TFG: variants seen among roughly 807,000 people sequenced by gnomAD.
The protein encoded by TFG is trafficking from ER to golgi regulator, also known as protein TFG.
Under a neutral mutation model 51.4 loss-of-function variants are expected in TFG, and 22 were observed. The ratio of observed to expected loss-of-function variants is 0.43; its 90% CI spans 0.31 to 0.61. The LOEUF (loss-of-function observed/expected upper bound fraction) is 0.61, where lower values mean the gene tolerates loss of function less well. Among genes scored for constraint, TFG ranks in the 20% least tolerant of loss-of-function variants. The pLI is 0.12. For synonymous variants in TFG, 187 were observed against 165.6 expected (o/e 1.13, Z -0.99); for missense variants, 419 against 487.7 (o/e 0.86, Z 1.33).
chr3:100,729,803 C>G (rs1363030037), intron 4 of TFG, among the ~76,000 whole-genome samples: 1 of 152,046 alleles, frequency 6.6e-6, no homozygotes. Context: ...ATTTTAGTTA[C>G]AGTTTAAATA....
intron 5 of TFG, among the ~76,000 whole-genome samples, chr3:100,735,067 AAT>A (rs1431805806): frequency 6.6e-6 from 1 of 152,180 alleles, no homozygotes; most frequent in East Asian, 1.9e-4. Flanking sequence ...CAAAGTAATA[AAT>A]ATATATATTT....
chr3:100,714,184 A>G (rs535534207), intron 2 of TFG, among the ~76,000 whole-genome samples: 1 of 152,114 alleles, frequency 6.6e-6, no homozygotes, highest in Non-Finnish European at 1.5e-5. Flanking sequence ...TATAGTTACT[A>G]TAATTCTCTC....
chr3:100,723,892 C>T (rs1384148386), intron 3 of TFG, among the ~76,000 whole-genome samples: 2 of 151,818 alleles, frequency 1.3e-5, no homozygotes, highest in African/African-American at 4.8e-5. Flanking sequence ...TCAAGTCTTC[C>T]AGAAAATCCC....
intron 4 of TFG, 117 bp from the exon 5 acceptor site, chr3:100,732,391 C>A: frequency 1.7e-6 from 1 of 601,288 alleles, no homozygotes; most frequent in Non-Finnish European, 2.8e-6. Flanking sequence ...TATATTCCGA[C>A]ATGCTTAACA....
rs2149082927 is a variant in TFG, at chr3:100,732,667, T to G, written c.575T>G (p.Val192Gly). The change falls in exon 5 of 8, where the codon GTT (valine) becomes GGT (glycine). Residue 192 changes from valine to glycine, a missense_variant. This residue lies in a region of TFG where 391 missense variants were observed against 434.4 expected (regional missense o/e 0.90). Transcript: ENST00000240851. ...GCGTTTGGCTTAACAGATGATCAGG[T>G]TTCAGGTAAGTTGGTTTCCAACTCC... is the stretch of plus-strand genomic sequence containing the variant. ...MSAFGLTDDQ[V>G]SGPPSAPAED... 6.2e-7 allele frequency: 1 copy of G among 1,607,078 alleles called. No homozygotes were observed. The highest frequency in any genetic ancestry group is 1.1e-5 in the South Asian group (1 of 89,826).
chr3:100,740,606 G>A (rs1265523410), intron 6 of TFG, among the ~76,000 whole-genome samples: 1 of 152,092 alleles, frequency 6.6e-6, no homozygotes, highest in Non-Finnish European at 1.5e-5. Context: ...TTTTTGTATT[G>A]TGGAGTTAAA....
intron 5 of TFG, among the ~76,000 whole-genome samples, chr3:100,736,065 G>A (rs563851198): frequency 3.3e-5 from 5 of 152,240 alleles, no homozygotes; most frequent in Non-Finnish European, 7.4e-5. Flanking sequence ...GGGATCTAGT[G>A]GGAGAGAAAT....
intron 4 of TFG, among the ~76,000 whole-genome samples, chr3:100,731,065 C>A (rs1207626141): frequency 6.6e-6 from 1 of 152,128 alleles, no homozygotes; most frequent in African/African-American, 2.4e-5. Context: ...GAATGAGCTG[C>A]CAGCCAGTGT....
At chr3:100,732,926 A>G (rs1338720610) in intron 5 of TFG, among the ~76,000 whole-genome samples, 1 of 152,198 alleles carries the variant, frequency 6.6e-6, no homozygotes, top group African/African-American at 2.4e-5. Flanking sequence ...CCCTTAAAGA[A>G]TAAGCACTGT....
chr3:100,738,197 A>G (rs2149089405), intron 6 of TFG, among the ~76,000 whole-genome samples: 1 of 152,348 alleles, frequency 6.6e-6, no homozygotes, highest in South Asian at 2.1e-4. Context: ...CTTATTGCTT[A>G]AGCCTTTTCT....
Position 100,748,268 on chromosome 3 carries a change from C to G in TFG, c.940C>G (p.Gln314Glu). ...FSGQPQQLPA[Q>E]PPQQYQASNY... The stretch of plus-strand genomic sequence containing the variant: ...TGGTCAGCCTCAACAACTGCCTGCT[C>G]AGCCGCCACAGCAGTACCAGGCGAG... Residue 314 changes from glutamine (Q) to glutamate (E), a missense_variant, in exon 8 of 8, where the codon CAG becomes GAG. Coordinates refer to ENST00000240851, the MANE Select transcript of TFG (RefSeq NM_006070.6). 1 of 1,614,120 alleles carries G rather than the reference C, an allele frequency of 6.2e-7. No homozygotes were observed. Among genetic ancestry groups the G allele is most frequent in the Non-Finnish European group, 8.5e-7 (1 of 1,179,992 alleles).
At position 100,736,634 on chromosome 3, in the gene TFG, C is replaced by T; in HGVS notation, c.639C>T (p.Ser213=). The stretch of plus-strand genomic sequence containing the variant: ...GAACACCCGACAGCATTGCTTCCTC[C>T]TCCTCAGCAGCTCACCCACCAGGCG... ...RSGTPDSIAS[S]SSAAHPPGVQ... is the part of the protein sequence containing the mutation. Residue 213 remains serine (S), a synonymous_variant, in exon 6 of 8, where the codon TCC becomes TCT. Transcript: ENST00000240851. 1 of 1,613,982 alleles carries T rather than the reference C, an allele frequency of 6.2e-7. No individual in the cohort carries two copies. Among genetic ancestry groups the T allele is most frequent in the Non-Finnish European group, 8.5e-7 (1 of 1,179,972 alleles).
rs969493255 is a variant in TFG at position 100,736,578 on chromosome 3, C to G, written c.583C>G (p.Pro195Ala). Residue 195 changes from proline to alanine, a missense_variant and splice_region_variant, in exon 6 of 8, where the codon CCA becomes GCA. By Grantham distance (27) the Pro-to-Ala change is conservative. Coordinates refer to ENST00000240851, the MANE Select transcript of TFG (RefSeq NM_006070.6). ...FGLTDDQVSG[P>A]PSAPAEDRSG... Reference sequence around the variant, plus strand: ...CTGACTTTTTTTTGACTATCCAGGGCCACCCAGTGCTCCTGCAGAAGATCG... The same window carrying G: ...CTGACTTTTTTTTGACTATCCAGGGGCACCCAGTGCTCCTGCAGAAGATCG... 6.2e-7 allele frequency: 1 copy of G among 1,613,680 alleles called. No homozygotes were observed. Among genetic ancestry groups the G allele is most frequent in the Non-Finnish European group, 8.5e-7 (1 of 1,179,822 alleles).
intron 3 of TFG, among the ~76,000 whole-genome samples, chr3:100,726,320 A>G (rs1419222128): frequency 6.6e-6 from 1 of 152,178 alleles, no homozygotes; most frequent in Non-Finnish European, 1.5e-5. Context: ...TGATAGCTGC[A>G]CTGGCAGCTG....
intron 6 of TFG, chr3:100,742,558 A>G (rs913328575): frequency 1.3e-5 from 2 of 152,168 alleles, no homozygotes; most frequent in African/African-American, 4.8e-5. Flanking sequence ...TTGCAACCAC[A>G]CACACACCCA....
chr3:100,720,151 T>C lies in TFG; in HGVS notation c.268+93T>C, dbSNP rs554500836. ...TCCTTTTAAAGACTCAGGTAAGCAA[T>C]AACTTATTCAAATATTATTACATTT... On this transcript the variant is annotated intron_variant, in intron 3 of 7. Transcript: ENST00000240851. The C allele has an allele frequency of 9.5e-5, 67 of 706,314 alleles. No individual in the cohort carries two copies. The African/African-American group carries it at 1.1e-3, about 12-fold the overall frequency. The allele number at this position is 706,314 out of a possible 1,614,324, so 43.8% of individuals were successfully genotyped here.
chr3:100,709,474 T>G (rs913992800), upstream of TFG: 4 of 152,488 alleles, frequency 2.6e-5, no homozygotes, highest in Non-Finnish European at 5.9e-5. Flanking sequence ...GACATTTTTT[T>G]TTTTCTTGCT....
chr3:100,732,759 C>G (rs898726050), intron 5 of TFG, 87 bp downstream of exon 5: 9 of 1,193,246 alleles, frequency 7.5e-6, no homozygotes, highest in African/African-American at 1.6e-5. Flanking sequence ...TGAAGAATAA[C>G]TTGGATATGG....
chr3:100,740,233 C>T (rs1450946509), intron 6 of TFG, among the ~76,000 whole-genome samples: 2 of 152,248 alleles, frequency 1.3e-5, no homozygotes, highest in Admixed American at 6.5e-5. Flanking sequence ...TTATCTCATA[C>T]AGTTTTAGAC....
Sources: gnomAD v4.1 joint callset for allele counts (sites outside exome capture counted in the v4.1 genomes callset) on GRCh38, gnomAD v4.1.1 for gene constraint, gnomAD v4.1.1 regional missense constraint, MANE v1.5 for transcripts, NCBI Gene and HGNC (gene_info 2026-07-23, HGNC 2026-07-21) for gene names.